AMZ1: variants seen among roughly 807,000 people sequenced by gnomAD.
The protein encoded by AMZ1 is archaemetzincin-1.
In AMZ1, 39 loss-of-function variants were observed where a neutral mutation model predicts 29.9. The ratio of observed to expected loss-of-function variants is 1.30; its 90% CI spans 1.01 to 1.70. AMZ1 has a LOEUF of 1.70. Among genes scored for constraint, AMZ1 ranks in the 40% most tolerant of loss-of-function variants. The pLI is 0.00. For missense variants in AMZ1, 1,041 were observed against 680.6 expected, an observed-to-expected ratio of 1.53 and a Z score of -5.89; for synonymous variants, 458 against 304.0, an observed-to-expected ratio of 1.51 and a Z score of -5.27.
intron 4 of AMZ1, among the ~76,000 whole-genome samples, chr7:2,735,755 C>T (rs1025454293): frequency 1.3e-5 from 2 of 152,112 alleles, no homozygotes; most frequent in African/African-American, 2.4e-5. Flanking sequence ...GCATGAGTGG[C>T]GGAGGAGAGG....
intron 4 of AMZ1, among the ~76,000 whole-genome samples, chr7:2,751,587 T>C (rs1048685718): frequency 1.3e-5 from 2 of 152,084 alleles, no homozygotes; most frequent in Non-Finnish European, 2.9e-5. Flanking sequence ...CAAGGCCAAA[T>C]GTTGGTTCTT....
upstream of AMZ1, among the ~76,000 whole-genome samples, chr7:2,685,757 G>T (rs1425048921): frequency 6.6e-6 from 1 of 151,494 alleles, no homozygotes; most frequent in Non-Finnish European, 1.5e-5. Flanking sequence ...GGAGGCTGAG[G>T]CAGGAGAATG....
Position 2,717,893 on chromosome 7 carries a change from A to C in AMZ1, c.*5015A>C, listed in dbSNP as rs1789221637. On this transcript the variant is annotated 3_prime_UTR_variant, in exon 7 of 7. Coordinates refer to ENST00000683327, the MANE Select transcript of AMZ1 (RefSeq NM_001384743.1). ...AATTTCCAAGAAGCGTCCTGGGGTC[A>C]CCACGCGTTCAGTCCAACTCTTCCC... Among the ~76,000 whole-genome samples, 1 of 152,200 alleles carries C rather than the reference A, an allele frequency of 6.6e-6. No homozygotes were observed. Among genetic ancestry groups the C allele is most frequent in the African/African-American group, 2.4e-5 (1 of 41,440 alleles).
intron 1 of AMZ1, among the ~76,000 whole-genome samples, chr7:2,691,023 C>T (rs1380770935): frequency 6.6e-6 from 1 of 150,728 alleles, no homozygotes; most frequent in African/African-American, 2.5e-5. Flanking sequence ...CGTCTGTAGT[C>T]CCAGCTACTA....
intron 1 of AMZ1, among the ~76,000 whole-genome samples, chr7:2,680,479 A>G (rs1322532063): frequency 6.6e-6 from 1 of 152,164 alleles, no homozygotes; most frequent in Non-Finnish European, 1.5e-5. Context: ...AAGCCTCAAG[A>G]GGGAGCCGGG....
At chr7:2,686,945 C>A (rs1478148251), upstream of AMZ1, among the ~76,000 whole-genome samples, 1 of 151,690 alleles carries the variant, frequency 6.6e-6, no homozygotes, top group Non-Finnish European at 1.5e-5. Context: ...GAACTCCTGA[C>A]CTTGTGATCT....
intron 2 of AMZ1, among the ~76,000 whole-genome samples, chr7:2,701,689 C>G (rs79437910): frequency 3.3e-5 from 5 of 152,216 alleles, no homozygotes; most frequent in Non-Finnish European, 7.3e-5. Context: ...GGCTGGTGTC[C>G]GCTTCTGACC....
chr7:2,745,717 A>T (rs1790732289), intron 4 of AMZ1, among the ~76,000 whole-genome samples: 1 of 152,248 alleles, frequency 6.6e-6, no homozygotes, highest in African/African-American at 2.4e-5. Context: ...TAAAAGACAC[A>T]GACTGGCAAA....
At chr7:2,757,469 G>A (rs963255991) in intron 4 of AMZ1, among the ~76,000 whole-genome samples, 6 of 152,164 alleles carry the variant, frequency 3.9e-5, no homozygotes, top group African/African-American at 1.4e-4. Context: ...AAGAAAATGG[G>A]ACATCAGTCA....
chr7:2,701,167 G>T (rs1788032231), intron 2 of AMZ1, among the ~76,000 whole-genome samples: 1 of 152,086 alleles, frequency 6.6e-6, no homozygotes, highest in African/African-American at 2.4e-5. Flanking sequence ...GGAGACAGAG[G>T]TTGCAGTGAG....
intron 4 of AMZ1, among the ~76,000 whole-genome samples, chr7:2,750,150 C>A (rs958208075): frequency 5.9e-5 from 9 of 152,206 alleles, no homozygotes; most frequent in Non-Finnish European, 1.3e-4. Flanking sequence ...ACTCTCCGGT[C>A]TGACATGTAA....
At chr7:2,752,185 G>A (rs934750982) in intron 4 of AMZ1, among the ~76,000 whole-genome samples, 3 of 151,898 alleles carry the variant, frequency 2.0e-5, no homozygotes, top group African/African-American at 4.8e-5. Flanking sequence ...AAAAAAATAC[G>A]AATGTTTCAA....
chr7:2,760,025 G>GAAACACA (rs1791483716), upstream of AMZ1, among the ~76,000 whole-genome samples: 1 of 152,206 alleles, frequency 6.6e-6, no homozygotes, highest in Admixed American at 6.5e-5. Flanking sequence ...AGTTTTAAAA[G>GAAACACA]TATTTTTTAA....
At chr7:2,723,021 CAAG>C (rs1789485526), downstream of AMZ1, among the ~76,000 whole-genome samples, 1 of 151,968 alleles carries the variant, frequency 6.6e-6, no homozygotes, top group Non-Finnish European at 1.5e-5. Context: ...AAATAAAAAT[CAAG>C]AAGGTTCACT....
In AMZ1 at chr7:2,719,008, CT is replaced by C. The variant is rs569737913; in HGVS notation, c.*6146del. ...GGAGGGAAGCTGCAAGAACAGGCGA[CT>C]TTTTTTTTTTTTTTTCCCCCCCATC... is the stretch of plus-strand genomic sequence containing the variant. On this transcript the variant is annotated 3_prime_UTR_variant, in exon 7 of 7. Transcript: ENST00000683327. Among the ~76,000 whole-genome samples, 558 of 104,914 alleles carry C rather than the reference CT, an allele frequency of 5.3e-3. 3 individuals are homozygous for C. Among genetic ancestry groups the C allele is most frequent in the South Asian group, 0.017 (63 of 3,726 alleles). The allele number at this position is 104,914 out of a possible 152,430, so 68.8% of individuals were successfully genotyped here.
At position 2,701,135 on chromosome 7, in the gene AMZ1, G is replaced by A. The variant is rs374027667; in HGVS notation, c.304+380G>A. Among the ~76,000 whole-genome samples the A allele has an allele frequency of 2.8e-4, 43 of 152,324 alleles. 1 individual carries two copies. In the East Asian group the frequency reaches 7.7e-3, roughly 27 times the overall value. ...AATCCCAGCTATTCAGGAGGCTGAGGCAGGAGAATCGCTTGAACCTGGGAG... is the reference window on the plus strand; with the variant it reads ...AATCCCAGCTATTCAGGAGGCTGAGACAGGAGAATCGCTTGAACCTGGGAG... On this transcript the variant is annotated intron_variant, in intron 2 of 6. Coordinates refer to ENST00000683327, the MANE Select transcript of AMZ1 (RefSeq NM_001384743.1).
At chr7:2,725,335 A>G (rs1789575046) in intron 4 of AMZ1, among the ~76,000 whole-genome samples, 1 of 152,228 alleles carries the variant, frequency 6.6e-6, no homozygotes, top group Non-Finnish European at 1.5e-5. Context: ...GCGGCACCAG[A>G]CGGACACAGC....
chr7:2,686,488 T>C (rs566885713), upstream of AMZ1, among the ~76,000 whole-genome samples: 2 of 152,122 alleles, frequency 1.3e-5, no homozygotes, highest in Non-Finnish European at 2.9e-5. Context: ...GACTCGCGTT[T>C]ATACCAGTGC....
chr7:2,732,542 T>C (rs772791544), intron 4 of AMZ1, among the ~76,000 whole-genome samples: 4 of 152,004 alleles, frequency 2.6e-5, no homozygotes, highest in Non-Finnish European at 5.9e-5. Context: ...TGAGACCCTG[T>C]CTCAAAAAAT....
Sources: allele counts gnomAD v4.1 joint callset (sites outside exome capture counted in the v4.1 genomes callset), GRCh38; gene constraint gnomAD v4.1.1; transcripts MANE v1.5; gene names NCBI Gene and HGNC (gene_info 2026-07-23, HGNC 2026-07-21).